DERL1: variants seen among roughly 807,000 people sequenced by gnomAD.
The protein encoded by DERL1 is derlin-1.
Under a neutral mutation model 41.6 loss-of-function variants are expected in DERL1, and 24 were observed. That is an observed-to-expected ratio of 0.58 (90% CI 0.42 to 0.81). The LOEUF is 0.81. Among genes scored for constraint, DERL1 ranks in the 30% least tolerant of loss-of-function variants. The pLI, the probability that DERL1 is intolerant of heterozygous loss-of-function variation, is 0.00. For synonymous variants in DERL1, 124 were observed against 112.5 expected, an observed-to-expected ratio of 1.10 and a Z score of -0.65; for missense variants, 260 against 314.3, an observed-to-expected ratio of 0.83 and a Z score of 1.31.
At position 123,015,165 on chromosome 8, in the gene DERL1, C is replaced by T; in HGVS notation, c.*282G>A. 3.4e-6 allele frequency: 1 copy of T among 296,694 alleles called. No homozygotes were observed. The highest frequency in any genetic ancestry group is 7.8e-5 in the South Asian group (1 of 12,762). The allele number at this position is 296,694 out of a possible 1,614,324, so 18.4% of individuals were successfully genotyped here. ...CTAGGACCCGCTAAAACCCATTATT[C>T]AGACGGAAAGGGGAGAAGAGAAGAC... On this transcript the variant is annotated 3_prime_UTR_variant, in exon 8 of 8. Coordinates refer to ENST00000259512, the MANE Select transcript of DERL1 (RefSeq NM_024295.6).
intron 2 of DERL1, among the ~76,000 whole-genome samples, chr8:123,028,914 A>G (rs907363361): frequency 6.6e-6 from 1 of 152,024 alleles, no homozygotes; most frequent in Non-Finnish European, 1.5e-5. Flanking sequence ...AAAAAATACA[A>G]AAGTCAGCCA....
At chr8:123,020,436 C>T (rs1157235920) in intron 6 of DERL1, among the ~76,000 whole-genome samples, 6 of 151,886 alleles carry the variant, frequency 4.0e-5, no homozygotes, top group African/African-American at 9.7e-5. Context: ...GCCAAGATCA[C>T]GCCACTGCAC....
At position 123,021,042 on chromosome 8, in the gene DERL1, A is replaced by G. The variant is rs534168733; in HGVS notation, c.506+405T>C. On this transcript the variant is annotated intron_variant, in intron 6 of 7. Transcript: ENST00000259512. ...ATCCTATCTAAGAATCTGGATTTCT[A>G]TGACCGATAGGCAGTTTCCAAGGCA... Among the ~76,000 whole-genome samples the G allele has an allele frequency of 2.0e-5, 3 of 152,160 alleles. No homozygotes were observed. The South Asian group carries it at 6.2e-4, about 31-fold the overall frequency.
chr8:123,028,852 A>C (rs116174485), intron 2 of DERL1, among the ~76,000 whole-genome samples: 3,718 of 152,240 alleles, frequency 0.024, 159 homozygotes, highest in African/African-American at 0.085. Context: ...AAATCTCTTG[A>C]GCCCAGGAGT....
In DERL1 at chr8:123,042,239, G is replaced by A. The variant is rs1043855659; in HGVS notation, c.-117C>T. On this transcript the variant is annotated 5_prime_UTR_variant, in exon 1 of 8. Transcript: ENST00000259512. ...TCTAGGTGGAAGCCGCCGAAGCCGC[G>A]ATGCAGAAGGCGGAGACGGGCGGAC... 32 of 1,320,892 alleles carry A rather than the reference G, an allele frequency of 2.4e-5. No individual in the cohort carries two copies. In the African/African-American group the frequency reaches 3.6e-4, roughly 15 times the overall value. The allele number at this position is 1,320,892 out of a possible 1,614,324, so 81.8% of individuals were successfully genotyped here.
chr8:123,037,115 T>C (rs1025054425), intron 1 of DERL1, among the ~76,000 whole-genome samples: 1 of 152,206 alleles, frequency 6.6e-6, no homozygotes, highest in African/African-American at 2.4e-5. Flanking sequence ...AAATAAGGCA[T>C]AAAGTATTGG....
intron 1 of DERL1, among the ~76,000 whole-genome samples, chr8:123,031,591 CAAGT>C (rs888665258): frequency 6.6e-6 from 1 of 152,184 alleles, no homozygotes; most frequent in African/African-American, 2.4e-5. Flanking sequence ...AATAAAGTAA[CAAGT>C]AAGCCTCATT....
At chr8:123,039,696 G>A (rs1813002624) in intron 1 of DERL1, among the ~76,000 whole-genome samples, 1 of 152,184 alleles carries the variant, frequency 6.6e-6, no homozygotes, top group African/African-American at 2.4e-5. Context: ...GTGCCTCTAT[G>A]TCTTCACAGG....
chr8:123,020,077 A>G (rs1814719764), intron 6 of DERL1, among the ~76,000 whole-genome samples: 1 of 152,254 alleles, frequency 6.6e-6, no homozygotes, highest in African/African-American at 2.4e-5. Context: ...ACTTCTCCCC[A>G]GCAATATGCA....
chr8:123,018,472 T>G (rs1318849015), intron 7 of DERL1: 1 of 152,230 alleles, frequency 6.6e-6, no homozygotes, highest in African/African-American at 2.4e-5. Flanking sequence ...GTATCTTACC[T>G]CATGCAGTCC....
chr8:123,039,091 T>C (rs1812991493), intron 1 of DERL1, among the ~76,000 whole-genome samples: 1 of 152,208 alleles, frequency 6.6e-6, no homozygotes, highest in Non-Finnish European at 1.5e-5. Flanking sequence ...TCACTCTTTA[T>C]ATCCATTCGG....
intron 1 of DERL1, among the ~76,000 whole-genome samples, chr8:123,032,145 T>TC (rs1471111867): frequency 0.027 from 3,880 of 141,660 alleles, 163 homozygotes; most frequent in African/African-American, 0.096. Flanking sequence ...ATTTTTTTTT[T>TC]CCCCCCCGAG....
chr8:123,042,175 A>AC lies in DERL1; in HGVS notation c.-54dup, dbSNP rs1199292867. 1 of 1,515,304 alleles carries AC rather than the reference A, an allele frequency of 6.6e-7. No individual in the cohort carries two copies. Among genetic ancestry groups the AC allele is most frequent in the Non-Finnish European group, 8.9e-7 (1 of 1,124,994 alleles). The allele number at this position is 1,515,304 out of a possible 1,614,324, so 93.9% of individuals were successfully genotyped here. A position where few individuals can be genotyped will look rare whatever the true frequency, so the allele number is the denominator to read the frequency against. On this transcript the variant is annotated 5_prime_UTR_variant, in exon 1 of 8. Transcript: ENST00000259512. ...CAAGACCGCCCGACTCCCCGTGCCG[A>AC]CCCCCTCACGACGCGGCCGGCTCCG... is the stretch of plus-strand genomic sequence containing the variant.
At chr8:123,029,984 C>G (rs922579787) in intron 2 of DERL1, among the ~76,000 whole-genome samples, 3 of 151,956 alleles carry the variant, frequency 2.0e-5, no homozygotes, top group South Asian at 2.1e-4. Context: ...TGCTTGAACC[C>G]GAGAGGCAGA....
chr8:123,026,045 C>T (rs771156759), intron 2 of DERL1, among the ~76,000 whole-genome samples: 2 of 151,960 alleles, frequency 1.3e-5, no homozygotes, highest in Non-Finnish European at 2.9e-5. Context: ...TTTCCCTCCC[C>T]GTTCCACACC....
chr8:123,019,667 G>A (rs541675050), intron 6 of DERL1, among the ~76,000 whole-genome samples: 2 of 152,296 alleles, frequency 1.3e-5, no homozygotes, highest in African/African-American at 4.8e-5. Flanking sequence ...TTTATAAAAT[G>A]TGGGCAAACA....
At chr8:123,023,630 CA>C in intron 4 of DERL1, 82 bp downstream of exon 4, 1 of 1,348,032 alleles carries the variant, frequency 7.4e-7, no homozygotes, top group Non-Finnish European at 1.0e-6. Context: ...ATAGTTAATG[CA>C]ATTTCAACTT....
At chr8:123,021,617 AG>A in intron 5 of DERL1, 118 bp from the exon 6 acceptor site, 1 of 871,018 alleles carries the variant, frequency 1.1e-6, no homozygotes, top group Non-Finnish European at 1.9e-6. Flanking sequence ...ATCCTCTGGA[AG>A]GTCACTGCAA....
rs902279542 is a variant in DERL1 at position 123,014,457 on chromosome 8, G to C, written c.*990C>G. 1 of 152,710 alleles carries C rather than the reference G, an allele frequency of 6.5e-6. No homozygotes were observed. The highest frequency in any genetic ancestry group is 1.5e-5 in the Non-Finnish European group (1 of 68,064). 9.5% of individuals were successfully genotyped at this position (152,710 alleles called of 1,614,324 possible). A position where few individuals can be genotyped will look rare whatever the true frequency, so the allele number is the denominator to read the frequency against. On this transcript the variant is annotated 3_prime_UTR_variant, in exon 8 of 8. Transcript: ENST00000259512. ...GGCAAAAAAGTGACATTTAAATAGC[G>C]TATGAGGGTCTCTCCTCCTTTACTC...
Sources: allele counts gnomAD v4.1 joint callset (sites outside exome capture counted in the v4.1 genomes callset), GRCh38; gene constraint gnomAD v4.1.1; transcripts MANE v1.5; gene names NCBI Gene and HGNC (gene_info 2026-07-23, HGNC 2026-07-21).